AAMDC: variants seen among roughly 807,000 people sequenced by gnomAD.
AAMDC encodes the protein adipogenesis associated Mth938 domain containing.
AAMDC carries 16 observed loss-of-function variants against 15.5 expected under a neutral mutation model. The observed-to-expected ratio is 1.03, with a 90% CI of 0.70 to 1.57. The LOEUF (loss-of-function observed/expected upper bound fraction) is 1.57. Among genes scored for constraint, AAMDC ranks in the 40% most tolerant of loss-of-function variants. AAMDC has a pLI of 0.00. For synonymous variants in AAMDC, 51 were observed against 51.6 expected (o/e 0.99, Z 0.05); for missense variants, 141 against 144.9 (o/e 0.97, Z 0.14).
intron 2 of AAMDC, among the ~76,000 whole-genome samples, chr11:77,859,648 T>C (rs971179198): frequency 1.3e-5 from 2 of 152,224 alleles, no homozygotes; most frequent in Non-Finnish European, 2.9e-5. Flanking sequence ...ACCCCGCATT[T>C]TGAAGTCCTT....
At chr11:77,876,127 A>T (rs183992454), downstream of AAMDC, among the ~76,000 whole-genome samples, 6 of 152,266 alleles carry the variant, frequency 3.9e-5, no homozygotes, top group East Asian at 7.7e-4. Context: ...AGGAAGAGGA[A>T]TCTAAAGGAC....
Position 77,851,180 on chromosome 11 carries a change from C to G in AAMDC, c.132+8552C>G, listed in dbSNP as rs192669307. On this transcript the variant is annotated intron_variant, in intron 2 of 3. Coordinates refer to ENST00000393427, the MANE Select transcript of AAMDC (RefSeq NM_024684.4). ...ATCTTGGCCAGGCTGGTCTTGAACTCCTGACCTCGTGATCCACCTGCCTCG... is the reference window on the plus strand; with the variant it reads ...ATCTTGGCCAGGCTGGTCTTGAACTGCTGACCTCGTGATCCACCTGCCTCG... Among the ~76,000 whole-genome samples the G allele has an allele frequency of 4.3e-3, 653 of 152,242 alleles. 1 individual carries two copies. The highest frequency in any genetic ancestry group is 7.0e-3 in the Non-Finnish European group (477 of 68,012).
At chr11:77,871,679 C>A (rs770191373) in intron 3 of AAMDC, among the ~76,000 whole-genome samples, 4 of 152,130 alleles carry the variant, frequency 2.6e-5, no homozygotes, top group African/African-American at 7.2e-5. Flanking sequence ...AAGAGCTAGC[C>A]TAACATTTCT....
chr11:77,828,142 A>G (rs1949262880), intron 1 of AAMDC, among the ~76,000 whole-genome samples: 1 of 151,878 alleles, frequency 6.6e-6, no homozygotes, highest in African/African-American at 2.4e-5. Context: ...GGGCATGGTG[A>G]TGCGCACCTG....
At chr11:77,831,788 C>G (rs1305950639) in intron 1 of AAMDC, 1 of 151,674 alleles carries the variant, frequency 6.6e-6, no homozygotes, top group Non-Finnish European at 1.5e-5. Context: ...CTCTGCCTCC[C>G]AGTTTCAAGT....
chr11:77,825,639 A>G (rs2136036803), intron 1 of AAMDC, among the ~76,000 whole-genome samples: 1 of 152,180 alleles, frequency 6.6e-6, no homozygotes, highest in Admixed American at 6.5e-5. Context: ...CTGTGTTACA[A>G]CAGAATTCTA....
At position 77,883,700 on chromosome 11, in the gene AAMDC, C is replaced by T; in HGVS notation, c.328+6651C>T. 4.1e-6 allele frequency: 4 copies of T among 975,656 alleles called. No individual in the cohort carries two copies. In the South Asian group the frequency reaches 6.9e-5, roughly 17 times the overall value. 60.4% of individuals were successfully genotyped at this position (975,656 alleles called of 1,614,324 possible). ...TACCCACTTAATGAGTGCTTATAAA[C>T]TCATTAAGTTCAATTCTTACAAGGC... On this transcript the variant is annotated intron_variant, in intron 5 of 5. Coordinates refer to the AAMDC transcript ENST00000304716.
chr11:77,905,669 A>G (rs569247531), downstream of AAMDC, among the ~76,000 whole-genome samples: 1 of 152,350 alleles, frequency 6.6e-6, no homozygotes, highest in South Asian at 2.1e-4. Context: ...TTGAGATCTC[A>G]GCTCTTTGGG....
intron 2 of AAMDC, among the ~76,000 whole-genome samples, chr11:77,846,939 G>A (rs1950172655): frequency 6.6e-6 from 1 of 152,110 alleles, no homozygotes; most frequent in Non-Finnish European, 1.5e-5. Context: ...TCTGTATCCT[G>A]TGTTACTCTC....
intron 2 of AAMDC, among the ~76,000 whole-genome samples, chr11:77,845,398 T>C (rs991787506): frequency 6.6e-6 from 1 of 152,216 alleles, no homozygotes; most frequent in Non-Finnish European, 1.5e-5. Flanking sequence ...TTTCCATCAT[T>C]GTACTTTCCA....
chr11:77,901,692 A>G (rs1223902774), downstream of AAMDC: 3 of 650,496 alleles, frequency 4.6e-6, no homozygotes, highest in African/African-American at 3.7e-5. Flanking sequence ...GTTGAAAGAA[A>G]TTAGTATAGT....
intron 1 of AAMDC, among the ~76,000 whole-genome samples, chr11:77,825,698 G>GTT (rs1250441260): frequency 3.6e-5 from 5 of 139,312 alleles, no homozygotes; most frequent in African/African-American, 5.2e-5. Flanking sequence ...CATTTTTTTT[G>GTT]TTTTTTTTTT....
chr11:77,846,656 A>G (rs1950161107), intron 2 of AAMDC, among the ~76,000 whole-genome samples: 1 of 152,232 alleles, frequency 6.6e-6, no homozygotes, highest in Admixed American at 6.5e-5. Context: ...CGGTGAGCCA[A>G]GATTGCGCCA....
At chr11:77,832,587 A>G (rs1949484167) in intron 1 of AAMDC, among the ~76,000 whole-genome samples, 1 of 151,910 alleles carries the variant, frequency 6.6e-6, no homozygotes, top group African/African-American at 2.4e-5. Flanking sequence ...CAGCCTCCCA[A>G]AGTACTGGGA....
intron 2 of AAMDC, chr11:77,851,101 C>T (rs1455563935): frequency 6.6e-6 from 1 of 152,064 alleles, no homozygotes; most frequent in Non-Finnish European, 1.5e-5. Flanking sequence ...ATTATAGGCA[C>T]ATGCCACCAC....
chr11:77,860,813 C>T (rs1303562052), intron 2 of AAMDC, among the ~76,000 whole-genome samples: 1 of 152,148 alleles, frequency 6.6e-6, no homozygotes, highest in South Asian at 2.1e-4. Flanking sequence ...CACTCTACTT[C>T]CTCTGGTATT....
chr11:77,822,417 A>AAAAAG (rs1948956935), intron 1 of AAMDC, among the ~76,000 whole-genome samples: 1 of 149,478 alleles, frequency 6.7e-6, no homozygotes, highest in African/African-American at 2.4e-5. Context: ...TCCACCTCAA[A>AAAAAG]AAAAAAAAAA....
chr11:77,897,644 G>T (rs1046604769), intron 5 of AAMDC, among the ~76,000 whole-genome samples: 15 of 150,124 alleles, frequency 1.0e-4, no homozygotes, highest in South Asian at 4.2e-4. Context: ...GGGATTACAG[G>T]CACCTGCCAC....
In AAMDC at chr11:77,879,014, C is replaced by T. The variant is rs1289979520; in HGVS notation, c.328+1965C>T. ...GGCTTGCTGAAGGGAATGGTGCCCT[C>T]GATGCTGGTTTCCACCTGTGGTGAC... On this transcript the variant is annotated intron_variant, in intron 5 of 5. Coordinates refer to the AAMDC transcript ENST00000304716. The T allele has an allele frequency of 6.8e-6, 11 of 1,613,964 alleles. No homozygotes were observed. The highest frequency in any genetic ancestry group is 4.0e-5 in the African/African-American group (3 of 74,874).
Sources: gnomAD v4.1 joint callset for allele counts (sites outside exome capture counted in the v4.1 genomes callset) on GRCh38, gnomAD v4.1.1 for gene constraint, MANE v1.5 for transcripts, NCBI Gene and HGNC (gene_info 2026-07-23, HGNC 2026-07-21) for gene names.